The following HNF4A variants were observed in gnomAD, a reference collection of about 807,000 sequenced individuals.
HNF4A encodes hepatocyte nuclear factor 4-alpha.
A neutral mutation model predicts 52.4 loss-of-function variants in HNF4A; 15 were observed. The ratio of observed to expected loss-of-function variants is 0.29; its 90% CI spans 0.19 to 0.44. The LOEUF is 0.44. Among genes scored for constraint, HNF4A ranks in the 20% least tolerant of loss-of-function variants. HNF4A has a pLI of 1.00. For missense variants in HNF4A, 479 were observed against 647.2 expected (o/e 0.74, Z 2.82); for synonymous variants, 280 against 264.4 (o/e 1.06, Z -0.57).
chr20:44,412,928 C>T (rs1473237542), intron 3 of HNF4A, among the ~76,000 whole-genome samples: 2 of 152,176 alleles, frequency 1.3e-5, no homozygotes, highest in East Asian at 3.8e-4. Context: ...GACAGGAAGC[C>T]GGGTCTGGTG....
At chr20:44,391,634 C>T (rs180908317) in intron 1 of HNF4A, 1 of 152,460 alleles carries the variant, frequency 6.6e-6, no homozygotes, top group Admixed American at 6.5e-5. Context: ...GTTTCCTCAC[C>T]TGTGATGGGA....
intron 1 of HNF4A, among the ~76,000 whole-genome samples, chr20:44,367,770 G>C (rs1385579715): frequency 6.6e-6 from 1 of 151,932 alleles, no homozygotes; most frequent in East Asian, 1.9e-4. Flanking sequence ...TACAAAGTGA[G>C]AAAATAAATA....
chr20:44,407,148 G>A (rs1600709884), intron 2 of HNF4A, among the ~76,000 whole-genome samples: 1 of 152,168 alleles, frequency 6.6e-6, no homozygotes, highest in African/African-American at 2.4e-5. Context: ...AGCGACCCAG[G>A]ACCACATGTT....
intron 3 of HNF4A, among the ~76,000 whole-genome samples, chr20:44,413,444 T>C (rs894369697): frequency 1.3e-5 from 2 of 152,126 alleles, no homozygotes; most frequent in Non-Finnish European, 2.9e-5. Context: ...GAGTCTTCAC[T>C]GTCTTGCGCG....
intron 1 of HNF4A, among the ~76,000 whole-genome samples, chr20:44,368,160 A>ATATATATATATATTTTTTTTT: frequency 3.6e-5 from 1 of 27,780 alleles, no homozygotes; most frequent in African/African-American, 1.5e-4. Flanking sequence ...ATATATATAT[A>ATATATATATATATTTTTTTTT]TTTTTTTTTT....
rs1402407978 is a variant in HNF4A at position 44,424,674 on chromosome 20, G to C, written c.1129+420G>C. The C allele has an allele frequency of 2.4e-6, 3 of 1,246,616 alleles. No individual in the cohort carries two copies. In the African/African-American group the frequency reaches 4.6e-5, roughly 19 times the overall value. The allele number at this position is 1,246,616 out of a possible 1,614,324, so 77.2% of individuals were successfully genotyped here. ...ACTGAAAAGGAATCCTCTTTAGATA[G>C]GGGAGGCCACAGGAGACCTCTCTGA... On this transcript the variant is annotated intron_variant, in intron 8 of 9. Transcript: ENST00000316099.
intron 1 of HNF4A, chr20:44,373,080 G>A (rs557304370): frequency 4.6e-5 from 7 of 152,228 alleles, no homozygotes; most frequent in African/African-American, 1.7e-4. Flanking sequence ...TCCTACCACT[G>A]CGCTTTGCAC....
upstream of HNF4A, chr20:44,401,191 C>A: frequency 6.8e-7 from 1 of 1,479,824 alleles, no homozygotes; most frequent in Non-Finnish European, 9.0e-7. Flanking sequence ...CCACCCCTCC[C>A]CGGCAGAGCC....
chr20:44,427,283 G>C (rs2063825067), intron 8 of HNF4A, among the ~76,000 whole-genome samples: 1 of 152,188 alleles, frequency 6.6e-6, no homozygotes. Context: ...GTGTCATTGA[G>C]ATCAGGATCA....
At position 44,406,090 on chromosome 20, in the gene HNF4A, G is replaced by C. The variant is rs1223493898; in HGVS notation, c.148G>C (p.Ala50Pro). 1 of 1,612,852 alleles carries C rather than the reference G, an allele frequency of 6.2e-7. No individual in the cohort carries two copies. The highest frequency in any genetic ancestry group is 1.3e-5 in the African/African-American group (1 of 74,882). The change falls in exon 2 of 10, where the codon GCG becomes CCG. Residue 50 changes from alanine (A) to proline (P), a missense_variant. Ala to Pro is a conservative substitution (Grantham distance 27, BLOSUM62 -1). Transcript: ENST00000316099. ...CCCATCAGAAGGCACCAACCTCAAC[G>C]CGCCCAACAGCCTGGGTGTCAGCGC...
rs937811358 is a variant in HNF4A at position 44,421,175 on chromosome 20, C to T, written c.892+1299C>T. Among the ~76,000 whole-genome samples, 13 of 152,142 alleles carry T rather than the reference C, an allele frequency of 8.5e-5. No homozygotes were observed. The East Asian group carries it at 9.6e-4, about 11-fold the overall frequency. Reference sequence around the variant, plus strand: ...CCTTTCTTGTTCTATCAACTGTAGACGGTATCTCCCAACCCTTCACATTGC... The same window carrying T: ...CCTTTCTTGTTCTATCAACTGTAGATGGTATCTCCCAACCCTTCACATTGC... On this transcript the variant is annotated intron_variant, in intron 7 of 9. Transcript: ENST00000316099.
At chr20:44,392,767 A>G (rs563624663) in intron 1 of HNF4A, among the ~76,000 whole-genome samples, 1 of 152,346 alleles carries the variant, frequency 6.6e-6, no homozygotes, top group South Asian at 2.1e-4. Flanking sequence ...ACCTTGCCCA[A>G]GGACACACAG....
intron 1 of HNF4A, chr20:44,401,605 G>A: frequency 7.8e-7 from 1 of 1,289,250 alleles, no homozygotes; most frequent in Admixed American, 2.0e-5. Flanking sequence ...ATGGTAGGTT[G>A]GTCCTACAGG....
At chr20:44,368,160 A>ATATATATATATATATTTTTTT (rs1200638153) in intron 1 of HNF4A, among the ~76,000 whole-genome samples, 1 of 27,780 alleles carries the variant, frequency 3.6e-5, no homozygotes, top group African/African-American at 1.5e-4. Flanking sequence ...ATATATATAT[A>ATATATATATATATATTTTTTT]TTTTTTTTTT....
chr20:44,403,710 C>A (rs1484020552), intron 1 of HNF4A, among the ~76,000 whole-genome samples: 3 of 152,196 alleles, frequency 2.0e-5, no homozygotes, highest in Admixed American at 6.5e-5. Context: ...AGTAGCCCAG[C>A]AAGCCTGGAC....
intron 1 of HNF4A, among the ~76,000 whole-genome samples, chr20:44,386,012 A>G (rs1477091838): frequency 1.4e-5 from 2 of 145,296 alleles, no homozygotes; most frequent in Admixed American, 1.4e-4. Flanking sequence ...GGCATGCACC[A>G]TCACGCCTGG....
At chr20:44,355,777 C>T in exon 1 of HNF4A, 2 of 1,612,486 alleles carry the variant, frequency 1.2e-6, no homozygotes, top group Non-Finnish European at 1.7e-6. Context: ...CTCCATGCCC[C>T]CAGCTCTCCG....
chr20:44,381,531 G>C (rs888167648), intron 1 of HNF4A, among the ~76,000 whole-genome samples: 2 of 152,060 alleles, frequency 1.3e-5, no homozygotes, highest in Non-Finnish European at 2.9e-5. Flanking sequence ...TGATCTGCCT[G>C]CCTCAGCCCC....
At chr20:44,423,573 G>A (rs2063776604) in intron 7 of HNF4A, among the ~76,000 whole-genome samples, 1 of 152,228 alleles carries the variant, frequency 6.6e-6, no homozygotes, top group South Asian at 2.1e-4. Context: ...TTCTAACACA[G>A]TAGAAGCAGC....
Sources: gnomAD v4.1 joint callset for allele counts (sites outside exome capture counted in the v4.1 genomes callset) on GRCh38, gnomAD v4.1.1 for gene constraint, MANE v1.5 for transcripts, NCBI Gene and HGNC (gene_info 2026-07-23, HGNC 2026-07-21) for gene names.